The following SMURF2 variants were observed in gnomAD, a reference collection of about 807,000 sequenced individuals.
SMURF2 encodes SMAD specific E3 ubiquitin protein ligase 2.
Under a neutral mutation model 109.6 loss-of-function variants are expected in SMURF2, and 48 were observed. That is an observed-to-expected ratio of 0.44 (90% CI 0.35 to 0.56). SMURF2 has a LOEUF of 0.56. SMURF2 is among the 20% of genes least tolerant of loss of function. SMURF2 has a pLI of 0.01. For synonymous variants in SMURF2, 288 were observed against 317.1 expected (o/e 0.91, Z 0.97); for missense variants, 575 against 909.0 (o/e 0.63, Z 4.72).
Position 64,603,357 on chromosome 17 carries a change from G to A in SMURF2, c.91+3245C>T, listed in dbSNP as rs193031478. On this transcript the variant is annotated intron_variant, in intron 2 of 18. Transcript: ENST00000262435. ...AGCACTTTGAGAGGCCGAGGCAGGC[G>A]GATCACATGAGGTCAGGAGTTCGAG... Among the ~76,000 whole-genome samples, 5 of 152,076 alleles carry A rather than the reference G, an allele frequency of 3.3e-5. No individual in the cohort carries two copies. The East Asian group carries it at 5.8e-4, about 18-fold the overall frequency.
At chr17:64,647,003 C>T (rs1970567930) in intron 1 of SMURF2, among the ~76,000 whole-genome samples, 1 of 152,138 alleles carries the variant, frequency 6.6e-6, no homozygotes, top group Admixed American at 6.5e-5. Flanking sequence ...TTACTGCATA[C>T]ACCATTAACT....
At chr17:64,605,744 A>AATATACATATATATATATATATATATAT in intron 2 of SMURF2, among the ~76,000 whole-genome samples, 1 of 99,102 alleles carries the variant, frequency 1.0e-5, no homozygotes, top group African/African-American at 4.0e-5. Flanking sequence ...CTCTAAAAAG[A>AATATACATATATATATATATATATATAT]ATATATATAT....
rs1555684673 is a variant in SMURF2, at chr17:64,562,961, T to C, written c.1022A>G (p.Gln341Arg). The change falls in exon 11 of 19, where the codon CAG becomes CGG. Residue 341 changes from glutamine (Q) to arginine (R), a missense_variant. Physicochemically the swap from Gln to Arg is conservative, Grantham distance 43. This residue lies in a region of SMURF2 where 361 missense variants were observed against 612.1 expected (regional missense o/e 0.59). Transcript: ENST00000262435. Reference sequence around the variant, plus strand: ...TTGCTGTTGGTCTTTCAATTGGTTCTGCCGACTAGAAGTAAACATAGATGT... The same window carrying C: ...TTGCTGTTGGTCTTTCAATTGGTTCCGCCGACTAGAAGTAAACATAGATGT... The part of the protein sequence containing the change: ...SANLHLVLNR[Q>R]NQLKDQQQQQ... 2 of 1,612,222 alleles carry C rather than the reference T, an allele frequency of 1.2e-6. No homozygotes were observed. Among genetic ancestry groups the C allele is most frequent in the Non-Finnish European group, 1.7e-6 (2 of 1,178,952 alleles).
At chr17:64,579,236 G>C (rs569293300) in intron 8 of SMURF2, among the ~76,000 whole-genome samples, 29 of 152,090 alleles carry the variant, frequency 1.9e-4, no homozygotes, top group African/African-American at 6.7e-4. Context: ...GGAAAGGCCA[G>C]GGTGAAGAGA....
In SMURF2 at chr17:64,646,151, C is replaced by T. The variant is rs886965146; in HGVS notation, c.52+15678G>A. Among the ~76,000 whole-genome samples, 8 of 151,600 alleles carry T rather than the reference C, an allele frequency of 5.3e-5. 1 individual carries two copies. The highest frequency in any genetic ancestry group is 4.2e-4 in the South Asian group (2 of 4,818). On this transcript the variant is annotated intron_variant, in intron 1 of 18. Transcript: ENST00000262435. ...GTGCCATCTCAGCTCACTGCAACCTCCATCTCCAGGTTCAAGCAATTCTCA... is the reference window on the plus strand; with the variant it reads ...GTGCCATCTCAGCTCACTGCAACCTTCATCTCCAGGTTCAAGCAATTCTCA...
At chr17:64,551,503 C>A in intron 16 of SMURF2, 81 bp downstream of exon 16, 1 of 1,454,566 alleles carries the variant, frequency 6.9e-7, no homozygotes, top group Admixed American at 1.8e-5. Flanking sequence ...CAGAAATATG[C>A]TTTCCTCTAA....
At chr17:64,617,511 C>T (rs782771561) in intron 1 of SMURF2, among the ~76,000 whole-genome samples, 6 of 152,066 alleles carry the variant, frequency 3.9e-5, no homozygotes, top group Non-Finnish European at 5.9e-5. Flanking sequence ...GAGATGATCT[C>T]ACTCTGTCAC....
chr17:64,662,190 C>T lies in SMURF2; in HGVS notation c.-310G>A, dbSNP rs1970793532. On this transcript the variant is annotated 5_prime_UTR_variant, in exon 1 of 19. Coordinates refer to ENST00000262435, the MANE Select transcript of SMURF2 (RefSeq NM_022739.4). ...GCGGCCGCCGAGGCCTTTCCCTCCT[C>T]TCGTCTCGGCGAGGCCCAGTAGCCG... The T allele has an allele frequency of 4.8e-6, 5 of 1,034,592 alleles. No homozygotes were observed. The South Asian group carries it at 2.2e-4, about 46-fold the overall frequency. 64.1% of individuals were successfully genotyped at this position (1,034,592 alleles called of 1,614,324 possible).
At chr17:64,585,635 T>C (rs1416042105) in intron 6 of SMURF2, among the ~76,000 whole-genome samples, 2 of 152,204 alleles carry the variant, frequency 1.3e-5, no homozygotes, top group African/African-American at 2.4e-5. Flanking sequence ...TTAAATGATA[T>C]GTACATAAAG....
rs1046339796 is a variant in SMURF2, at chr17:64,662,210, T to C, written c.-330A>G. 42 of 1,031,296 alleles carry C rather than the reference T, an allele frequency of 4.1e-5. No homozygotes were observed. Among genetic ancestry groups the C allele is most frequent in the Non-Finnish European group, 4.9e-5 (42 of 860,666 alleles). The allele number at this position is 1,031,296 out of a possible 1,614,324, so 63.9% of individuals were successfully genotyped here. A position where few individuals can be genotyped will look rare whatever the true frequency, so the allele number is the denominator to read the frequency against. ...CTCCTCTCGTCTCGGCGAGGCCCAG[T>C]AGCCGACGGGGCTGGTCGGCTGAAG... On this transcript the variant is annotated 5_prime_UTR_variant, in exon 1 of 19. Transcript: ENST00000262435.
rs117661768 is a variant in SMURF2 at position 64,571,319 on chromosome 17, T to G, written c.1016+479A>C. Among the ~76,000 whole-genome samples the G allele has an allele frequency of 9.9e-3, 1,508 of 152,280 alleles. 14 individuals carry two copies. Among genetic ancestry groups the G allele is most frequent in the South Asian group, 0.044 (211 of 4,824 alleles). ...GTTCCTACCTAAAAGCATAGTAGGTTTAAAATACTCATATCAGAGTAAACC... is the reference window on the plus strand; with the variant it reads ...GTTCCTACCTAAAAGCATAGTAGGTGTAAAATACTCATATCAGAGTAAACC... On this transcript the variant is annotated intron_variant, in intron 10 of 18. Transcript: ENST00000262435.
At chr17:64,616,130 T>C (rs1970117652) in intron 1 of SMURF2, among the ~76,000 whole-genome samples, 1 of 152,204 alleles carries the variant, frequency 6.6e-6, no homozygotes. Context: ...ACACCCGGCT[T>C]AGAAAATATT....
chr17:64,642,609 A>C (rs1479087487), intron 1 of SMURF2, among the ~76,000 whole-genome samples: 1 of 152,200 alleles, frequency 6.6e-6, no homozygotes, highest in African/African-American at 2.4e-5. Context: ...TAAGAAGGAC[A>C]GACAGATCTT....
chr17:64,661,886 CGGCGGCGGG>C lies in SMURF2; in HGVS notation c.-15_-7del, dbSNP rs544040158. ...CGGCCTCCGGGGTTAGACATGTCCC[CGGCGGCGGG>C]GGCGGCGGGGGCGGCGGGCGGCACG... On this transcript the variant is annotated 5_prime_UTR_variant, in exon 1 of 19. Transcript: ENST00000262435. 0.027 allele frequency: 32,929 copies of C among 1,202,254 alleles called. 1,761 individuals are homozygous for C. The highest frequency in any genetic ancestry group is 0.22 in the African/African-American group (13,463 of 62,534). 74.5% of individuals were successfully genotyped at this position (1,202,254 alleles called of 1,614,324 possible).
Position 64,662,147 on chromosome 17 carries a change from C to A in SMURF2, c.-267G>T. On this transcript the variant is annotated 5_prime_UTR_variant, in exon 1 of 19. Coordinates refer to ENST00000262435, the MANE Select transcript of SMURF2 (RefSeq NM_022739.4). ...CGGCCGCCCGCGCCGCCTCCGCCCG[C>A]GCCCCCGCCGCCTCCTCGCGGCCGC... 1 of 1,033,850 alleles carries A rather than the reference C, an allele frequency of 9.7e-7. No homozygotes were observed. The highest frequency in any genetic ancestry group is 1.2e-6 in the Non-Finnish European group (1 of 862,340). 64.0% of individuals were successfully genotyped at this position (1,033,850 alleles called of 1,614,324 possible). A position where few individuals can be genotyped will look rare whatever the true frequency, so the allele number is the denominator to read the frequency against.
chr17:64,657,828 A>G (rs114599464), intron 1 of SMURF2, among the ~76,000 whole-genome samples: 242 of 152,274 alleles, frequency 1.6e-3, no homozygotes, highest in African/African-American at 5.6e-3. Flanking sequence ...TGATAGTAAT[A>G]GCTCAACCAA....
chr17:64,636,979 GCAGGCCGAGA>G (rs1440494923), intron 1 of SMURF2, among the ~76,000 whole-genome samples: 6 of 152,082 alleles, frequency 3.9e-5, no homozygotes, highest in Non-Finnish European at 7.4e-5. Context: ...TGTCACTTTG[GCAGGCCGAGA>G]CAAGAGGATC....
chr17:64,600,715 G>A (rs1555688478), intron 2 of SMURF2, among the ~76,000 whole-genome samples: 1 of 152,130 alleles, frequency 6.6e-6, no homozygotes, highest in Admixed American at 6.5e-5. Context: ...ATTTATAAAT[G>A]TGTTCAATGG....
intron 10 of SMURF2, 29 bp from the exon 11 acceptor site, chr17:64,562,995 A>C (rs1046942533): frequency 5.8e-6 from 9 of 1,544,804 alleles, no homozygotes; most frequent in South Asian, 1.2e-5. Flanking sequence ...GTTATTATTA[A>C]AGTATATCAA....
Sources: allele counts gnomAD v4.1 joint callset (sites outside exome capture counted in the v4.1 genomes callset), GRCh38; gene constraint gnomAD v4.1.1; regional missense constraint gnomAD v4.1.1; transcripts MANE v1.5; gene names NCBI Gene and HGNC (gene_info 2026-07-23, HGNC 2026-07-21).